Variants in DZANK1 observed in about 807,000 individuals in gnomAD.
DZANK1 encodes the protein double zinc ribbon and ankyrin repeat domains 1, also known as double zinc ribbon and ankyrin repeat-containing protein 1.
DZANK1 carries 91 observed loss-of-function variants against 94.5 expected under a neutral mutation model. The ratio of observed to expected loss-of-function variants is 0.96; its 90% CI spans 0.81 to 1.15. DZANK1 has a LOEUF of 1.15. DZANK1 is among the 50% of genes most tolerant of loss of function. The probability of loss-of-function intolerance (pLI) is 0.00; values close to 1 mark genes in which losing one functional copy is unlikely to be tolerated. For missense variants in DZANK1, 903 were observed against 916.4 expected (o/e 0.99, Z 0.19); for synonymous variants, 312 against 325.3 (o/e 0.96, Z 0.44).
intron 9 of DZANK1, among the ~76,000 whole-genome samples, chr20:18,427,647 T>C (rs998898985): frequency 1.3e-5 from 2 of 150,634 alleles, no homozygotes; most frequent in African/African-American, 2.5e-5. Context: ...GTTTCTCCAG[T>C]GTGAAAACCG....
Position 18,455,752 on chromosome 20 carries a change from C to G in DZANK1, c.264-391G>C, listed in dbSNP as rs145978824. ...AAAGCCTGGGCTGGGGTAACTGGAA[C>G]AGCTAGGGGCTCGCCACTCATCACT... On this transcript the variant is annotated intron_variant, in intron 3 of 20. Coordinates refer to ENST00000262547, the Ensembl canonical transcript of DZANK1. 6.4e-3 allele frequency among the ~76,000 whole-genome samples: 982 copies of G among 152,268 alleles called. 8 individuals are homozygous for G. Among genetic ancestry groups the G allele is most frequent in the Non-Finnish European group, 0.011 (723 of 68,016 alleles).
intron 19 of DZANK1, among the ~76,000 whole-genome samples, chr20:18,389,182 G>C (rs2048694887): frequency 6.6e-6 from 1 of 152,166 alleles, no homozygotes; most frequent in Admixed American, 6.5e-5. Flanking sequence ...ACAGGACTTG[G>C]TACCTTTCTG....
chr20:18,430,648 CT>C (rs981739388), intron 9 of DZANK1, among the ~76,000 whole-genome samples: 4 of 152,082 alleles, frequency 2.6e-5, no homozygotes, highest in African/African-American at 4.8e-5. Context: ...AACCCCATCT[CT>C]ACAAAAAATA....
In DZANK1 at chr20:18,412,966, A is replaced by T. The variant is rs2057329641; in HGVS notation, c.1243-131T>A. The T allele has an allele frequency of 3.0e-6, 3 of 1,011,576 alleles. No individual in the cohort carries two copies. The Admixed American group carries it at 8.0e-5, about 27-fold the overall frequency. The allele number at this position is 1,011,576 out of a possible 1,614,324, so 62.7% of individuals were successfully genotyped here. A position where few individuals can be genotyped will look rare whatever the true frequency, so the allele number is the denominator to read the frequency against. The stretch of plus-strand genomic sequence containing the variant: ...ATAAAAAGTATCTCAAGAAAAGTGT[A>T]CTTGGAACTAATAGGGTTTTCCAGC... On this transcript the variant is annotated intron_variant, in intron 12 of 20. Transcript: ENST00000262547.
intron 3 of DZANK1, among the ~76,000 whole-genome samples, chr20:18,456,587 C>A (rs2424203): frequency 6.6e-6 from 1 of 151,966 alleles, no homozygotes; most frequent in African/African-American, 2.4e-5. Flanking sequence ...TCCTATCCAA[C>A]CTCCTAGGCA....
At chr20:18,385,082 T>C in exon 20 of DZANK1, 1 of 1,552,816 alleles carries the variant, frequency 6.4e-7, no homozygotes, top group South Asian at 1.2e-5. Context: ...AAGAGCTGTA[T>C]TTCTGAGCCT....
intron 10 of DZANK1, among the ~76,000 whole-genome samples, chr20:18,418,217 G>A (rs2057590419): frequency 1.3e-5 from 2 of 152,150 alleles, no homozygotes; most frequent in Admixed American, 1.3e-4. Flanking sequence ...TTTTCAGCCT[G>A]GAGCTAAGGG....
chr20:18,426,338 G>A (rs942008192), intron 10 of DZANK1, among the ~76,000 whole-genome samples: 1 of 152,080 alleles, frequency 6.6e-6, no homozygotes, highest in Non-Finnish European at 1.5e-5. Flanking sequence ...CTACAAAACT[G>A]GTCCCTGGTG....
chr20:18,392,278 A>G (rs1292190666), intron 17 of DZANK1, among the ~76,000 whole-genome samples: 1 of 152,244 alleles, frequency 6.6e-6, no homozygotes, highest in East Asian at 1.9e-4. Context: ...TGAGTACAAG[A>G]AATCCTAAAA....
intron 8 of DZANK1, among the ~76,000 whole-genome samples, chr20:18,436,816 C>G (rs941332613): frequency 6.6e-6 from 1 of 151,978 alleles, no homozygotes; most frequent in Non-Finnish European, 1.5e-5. Context: ...AGAGAAAATA[C>G]TGAAAGTAGC....
intron 13 of DZANK1, among the ~76,000 whole-genome samples, chr20:18,398,942 G>T (rs1298763892): frequency 1.3e-5 from 2 of 151,982 alleles, no homozygotes; most frequent in African/African-American, 4.8e-5. Context: ...GACCAGCCTG[G>T]CCAACATGGT....
At position 18,465,316 on chromosome 20, in the gene DZANK1, G is replaced by A. The variant is rs769918118; in HGVS notation, c.43C>T (p.Arg15Ter). The A allele has an allele frequency of 1.3e-5, 21 of 1,611,130 alleles. No individual in the cohort carries two copies. The highest frequency in any genetic ancestry group is 3.3e-5 in the Admixed American group (2 of 59,788). The change falls in exon 2 of 21, where the codon CGA (arginine) becomes TGA (stop). Residue 15 changes from arginine to a stop codon, truncating the protein, a stop_gained. Transcript: ENST00000262547. LOFTEE classifies it high-confidence loss of function. ...TTAGCTTTTCCAGGCTGAGGCACTC[G>A]TAATGGTATGATCTGAGGGACACAC...
At chr20:18,411,581 C>CA (rs200836365) in intron 13 of DZANK1, among the ~76,000 whole-genome samples, 9 of 150,366 alleles carry the variant, frequency 6.0e-5, no homozygotes, top group African/African-American at 7.3e-5. Context: ...ATAACCACTT[C>CA]AAAAAAAAAG....
At chr20:18,412,748 T>G (rs1474935022) in exon 13 of DZANK1, 1 of 1,613,862 alleles carries the variant, frequency 6.2e-7, no homozygotes. Context: ...GCTAGCAGCT[T>G]GCCAGATGGG....
Position 18,433,668 on chromosome 20 carries a change from G to T in DZANK1, c.845C>A (p.Ala282Glu), listed in dbSNP as rs1045247753. Reference sequence around the variant, plus strand: ...TTTCATTACCTTCAAGTGGAGGCTTGCCTGTGGCTGCAGCTGTAGAGCAAG... The same window carrying T: ...TTTCATTACCTTCAAGTGGAGGCTTTCCTGTGGCTGCAGCTGTAGAGCAAG... The change falls in exon 9 of 21, where the codon GCA becomes GAA. Residue 282 changes from alanine to glutamate, a missense_variant. Coordinates refer to ENST00000262547, the Ensembl canonical transcript of DZANK1. 3 of 1,613,788 alleles carry T rather than the reference G, an allele frequency of 1.9e-6. No homozygotes were observed. The African/African-American group carries it at 4.0e-5, about 22-fold the overall frequency.
At chr20:18,453,687 G>A (rs752219347) in intron 5 of DZANK1, 44 bp downstream of exon 5, 7 of 1,374,066 alleles carry the variant, frequency 5.1e-6, no homozygotes, top group Non-Finnish European at 7.2e-6. Flanking sequence ...CCTCTTCGGT[G>A]GGTTCAGAAT....
chr20:18,449,939 G>T (rs144009456), intron 6 of DZANK1, among the ~76,000 whole-genome samples: 1 of 151,572 alleles, frequency 6.6e-6, no homozygotes, highest in Non-Finnish European at 1.5e-5. Context: ...TTAGCAGGGT[G>T]TGGTGGCGCA....
Position 18,389,795 on chromosome 20 carries a change from G to A in DZANK1, c.1924C>T (p.Arg642Ter), listed in dbSNP as rs747905643. ...ATAACAGCCACGGTTATGACGGGTC[G>A]ATTGTCTTCATCACAGCAGTTGGGG... Residue 642 changes from arginine to a stop codon, truncating the protein, a stop_gained, in exon 19 of 21, where the codon CGA (arginine) becomes TGA (stop). Transcript: ENST00000262547. LOFTEE classifies it high-confidence loss of function. 1.1e-5 allele frequency: 17 copies of A among 1,613,972 alleles called. No individual in the cohort carries two copies. Among genetic ancestry groups the A allele is most frequent in the Admixed American group, 3.3e-5 (2 of 60,018 alleles).
chr20:18,391,390 T>C (rs2055976154), intron 17 of DZANK1, among the ~76,000 whole-genome samples: 1 of 152,062 alleles, frequency 6.6e-6, no homozygotes. Flanking sequence ...CATGCCACTA[T>C]GCCTGGCTAA....
Sources: allele counts gnomAD v4.1 joint callset (sites outside exome capture counted in the v4.1 genomes callset), GRCh38; gene constraint gnomAD v4.1.1; transcripts MANE v1.5; gene names NCBI Gene and HGNC (gene_info 2026-07-23, HGNC 2026-07-21).